RNF13: variants seen among roughly 807,000 people sequenced by gnomAD.
RNF13 encodes ring finger protein 13.
In RNF13, 19 loss-of-function variants were observed where a neutral mutation model predicts 37.7. The observed-to-expected ratio is 0.50, with a 90% CI of 0.35 to 0.74. The LOEUF is 0.74. Ranked by LOEUF, RNF13 falls within the 30% of genes least tolerant of loss-of-function variation. RNF13 has a pLI of 0.01. For missense variants in RNF13, 375 were observed against 453.0 expected, an observed-to-expected ratio of 0.83 and a Z score of 1.56; for synonymous variants, 144 against 157.8, an observed-to-expected ratio of 0.91 and a Z score of 0.65.
chr3:149,840,984 G>A (rs1722125994), intron 1 of RNF13, among the ~76,000 whole-genome samples: 1 of 152,184 alleles, frequency 6.6e-6, no homozygotes, highest in Non-Finnish European at 1.5e-5. Context: ...TCTTTTAATA[G>A]TCCGTGAGTA....
intron 4 of RNF13, among the ~76,000 whole-genome samples, chr3:149,884,366 G>A (rs551886163): frequency 2.3e-4 from 35 of 151,656 alleles, no homozygotes; most frequent in African/African-American, 8.0e-4. Context: ...ACCCTTCTAG[G>A]GTGTCCTCTG....
intron 4 of RNF13, chr3:149,895,184 C>T (rs900653398): frequency 2.0e-5 from 5 of 253,420 alleles, no homozygotes; most frequent in African/African-American, 8.9e-5. Flanking sequence ...ATTCTCATTT[C>T]AGAGGTTAGG....
chr3:149,814,710 A>G (rs1719247283), intron 1 of RNF13, among the ~76,000 whole-genome samples: 1 of 152,252 alleles, frequency 6.6e-6, no homozygotes, highest in Non-Finnish European at 1.5e-5. Context: ...TATGGCAAAA[A>G]CAAATGTTTC....
chr3:149,879,065 G>A (rs887307549), intron 4 of RNF13, among the ~76,000 whole-genome samples: 1 of 152,156 alleles, frequency 6.6e-6, no homozygotes, highest in African/African-American at 2.4e-5. Flanking sequence ...GAAGTTTGAA[G>A]AGGCCAGGCT....
intron 7 of RNF13, chr3:149,917,222 A>G (rs1717619069): frequency 6.6e-6 from 1 of 152,200 alleles, no homozygotes; most frequent in African/African-American, 2.4e-5. Flanking sequence ...ACTTTGGGAC[A>G]TAGATGTTCA....
chr3:149,959,142 T>C (rs1722143214), intron 8 of RNF13, among the ~76,000 whole-genome samples: 1 of 152,214 alleles, frequency 6.6e-6, no homozygotes, highest in African/African-American at 2.4e-5. Flanking sequence ...ATCTAACATA[T>C]TCATGTAGTG....
At chr3:149,900,426 T>TAA (rs35615226) in intron 5 of RNF13, among the ~76,000 whole-genome samples, 15 of 146,822 alleles carry the variant, frequency 1.0e-4, no homozygotes, top group Admixed American at 6.8e-4. Context: ...CTGCATCTAT[T>TAA]AAAAAAAAAA....
At chr3:149,909,232 G>A (rs1489888233) in intron 6 of RNF13, among the ~76,000 whole-genome samples, 6 of 151,442 alleles carry the variant, frequency 4.0e-5, no homozygotes, top group Non-Finnish European at 8.8e-5. Flanking sequence ...GAAAAAAACA[G>A]TATCTTGAGT....
intron 6 of RNF13, among the ~76,000 whole-genome samples, chr3:149,911,711 G>C (rs1717015948): frequency 6.6e-6 from 1 of 151,756 alleles, no homozygotes; most frequent in Admixed American, 6.6e-5. Flanking sequence ...CTCCAGGATA[G>C]ACACAGTAAG....
At chr3:149,941,245 T>G (rs931484432) in intron 8 of RNF13, among the ~76,000 whole-genome samples, 1 of 152,152 alleles carries the variant, frequency 6.6e-6, no homozygotes, top group Non-Finnish European at 1.5e-5. Flanking sequence ...CATATTCTAA[T>G]TGTCTTTTTA....
At chr3:149,865,198 A>G (rs563491691) in intron 3 of RNF13, among the ~76,000 whole-genome samples, 70 of 151,722 alleles carry the variant, frequency 4.6e-4, no homozygotes, top group South Asian at 1.0e-3. Flanking sequence ...AAAAACAAGC[A>G]TCTCCATAAA....
At chr3:149,946,288 A>T (rs1447008839) in intron 8 of RNF13, among the ~76,000 whole-genome samples, 2 of 152,236 alleles carry the variant, frequency 1.3e-5, no homozygotes, top group Non-Finnish European at 2.9e-5. Flanking sequence ...TTCAGTAGCC[A>T]ATTCAATCAA....
intron 1 of RNF13, among the ~76,000 whole-genome samples, chr3:149,837,694 G>A (rs1277143792): frequency 6.6e-6 from 1 of 152,098 alleles, no homozygotes; most frequent in Non-Finnish European, 1.5e-5. Flanking sequence ...ATTACCTCCT[G>A]CCGGGTCCCT....
intron 6 of RNF13, among the ~76,000 whole-genome samples, chr3:149,909,811 AT>A (rs930289810): frequency 4.6e-5 from 7 of 151,920 alleles, no homozygotes; most frequent in Admixed American, 4.6e-4. Context: ...GGACTTCCTG[AT>A]TTGTTCTTTT....
intron 6 of RNF13, among the ~76,000 whole-genome samples, chr3:149,905,840 A>G (rs1716329812): frequency 6.6e-6 from 1 of 152,134 alleles, no homozygotes; most frequent in Non-Finnish European, 1.5e-5. Context: ...TATATCTCAC[A>G]TACCATAAGG....
chr3:149,892,719 T>C (rs1442072596), intron 4 of RNF13, among the ~76,000 whole-genome samples: 2 of 152,166 alleles, frequency 1.3e-5, no homozygotes, highest in Non-Finnish European at 2.9e-5. Flanking sequence ...AGAATCTAAC[T>C]AATGCCTGAT....
chr3:149,899,255 T>C (rs1239698175), intron 5 of RNF13, among the ~76,000 whole-genome samples: 1 of 152,084 alleles, frequency 6.6e-6, no homozygotes, highest in Non-Finnish European at 1.5e-5. Context: ...AGACCAACCT[T>C]GGCAACATTG....
intron 3 of RNF13, among the ~76,000 whole-genome samples, chr3:149,865,438 T>A (rs942472569): frequency 6.6e-6 from 1 of 151,432 alleles, no homozygotes; most frequent in Non-Finnish European, 1.5e-5. Flanking sequence ...TCAAAAGCTG[T>A]CTTGTTCATT....
intron 6 of RNF13, among the ~76,000 whole-genome samples, chr3:149,902,858 A>G (rs957301304): frequency 2.0e-5 from 3 of 152,124 alleles, no homozygotes; most frequent in African/African-American, 7.2e-5. Flanking sequence ...AGCAGCTAAT[A>G]TTTATTGAGC....
Sources: gnomAD v4.1 joint callset for allele counts (sites outside exome capture counted in the v4.1 genomes callset) on GRCh38, gnomAD v4.1.1 for gene constraint, MANE v1.5 for transcripts, NCBI Gene and HGNC (gene_info 2026-07-23, HGNC 2026-07-21) for gene names.